COLQ: variants seen among roughly 807,000 people sequenced by gnomAD.
COLQ encodes the protein collagen like tail subunit of asymmetric acetylcholinesterase, also known as acetylcholinesterase collagenic tail peptide.
In COLQ, 48 loss-of-function variants were observed where a neutral mutation model predicts 69.0. The ratio of observed to expected loss-of-function variants is 0.70; its 90% CI spans 0.55 to 0.88. The LOEUF is 0.88. COLQ is among the 40% of genes least tolerant of loss of function. COLQ has a pLI of 0.00. For missense variants in COLQ, 618 were observed against 594.6 expected, an observed-to-expected ratio of 1.04 and a Z score of -0.41; for synonymous variants, 217 against 211.2, an observed-to-expected ratio of 1.03 and a Z score of -0.24.
intron 1 of COLQ, among the ~76,000 whole-genome samples, chr3:15,518,471 T>C (rs565037124): frequency 6.6e-6 from 1 of 152,312 alleles, no homozygotes; most frequent in Admixed American, 6.5e-5. Flanking sequence ...TGAAATAGTT[T>C]TGTGTGTATC....
intron 1 of COLQ, among the ~76,000 whole-genome samples, chr3:15,518,323 T>C (rs901855349): frequency 2.0e-5 from 3 of 152,184 alleles, no homozygotes; most frequent in Non-Finnish European, 2.9e-5. Context: ...TCATCCGTCA[T>C]TGTGTCTAGC....
At position 15,479,006 on chromosome 3, in the gene COLQ, A is replaced by G. The variant is rs368112392; in HGVS notation, c.367-3T>C. The G allele has an allele frequency of 2.4e-5, 39 of 1,613,942 alleles. No individual in the cohort carries two copies. The highest frequency in any genetic ancestry group is 1.9e-4 in the African/African-American group (14 of 74,914). Reference sequence around the variant, plus strand: ...CTTCCTGGTCGGCCAAGCTCCCCCTATGGATGGAGAAGACAGGTAAGGAGA... The same window carrying G: ...CTTCCTGGTCGGCCAAGCTCCCCCTGTGGATGGAGAAGACAGGTAAGGAGA... On this transcript the variant is annotated splice_region_variant and splice_polypyrimidine_tract_variant and intron_variant, in intron 4 of 16. Transcript: ENST00000383788.
chr3:15,498,403 G>T (rs2062780103), intron 1 of COLQ: 1 of 1,137,112 alleles, frequency 8.8e-7, no homozygotes, highest in Admixed American at 2.9e-5. Context: ...AAATTTAAAG[G>T]CTGCTAAAAC....
In COLQ at chr3:15,453,910, C is replaced by A. The variant is rs1306593300; in HGVS notation, c.1217G>T (p.Gly406Val). The stretch of plus-strand genomic sequence containing the variant: ...CACACCCTCATGCCGGTGACCATCT[C>A]CACAGTAGGCACGGTGACAGCCTGA... ...DCIRCHRAYC[G>V]DGHRHEGVED... Residue 406 changes from glycine (G) to valine (V), a missense_variant, in exon 16 of 17, where the codon GGA becomes GTA. By Grantham distance (109) the Gly-to-Val change is moderately radical. Transcript: ENST00000383788. 1 of 1,610,190 alleles carries A rather than the reference C, an allele frequency of 6.2e-7. No individual in the cohort carries two copies. The highest frequency in any genetic ancestry group is 8.5e-7 in the Non-Finnish European group (1 of 1,178,132).
intron 1 of COLQ, among the ~76,000 whole-genome samples, chr3:15,515,573 G>T (rs1230423475): frequency 6.6e-6 from 1 of 152,202 alleles, no homozygotes; most frequent in Non-Finnish European, 1.5e-5. Flanking sequence ...ACTTTGGGAG[G>T]CTGAGGCAGA....
Position 15,473,959 on chromosome 3 carries a change from T to C in COLQ, c.636+41A>G. The C allele has an allele frequency of 6.2e-7, 1 of 1,609,752 alleles. No individual in the cohort carries two copies. The highest frequency in any genetic ancestry group is 8.5e-7 in the Non-Finnish European group (1 of 1,176,216). ...TTTGTTGTGCTTGGAGGACCTGATA[T>C]TTTTATTGAGGCCTATTTTCACTAC... On this transcript the variant is annotated intron_variant, in intron 10 of 16. Coordinates refer to ENST00000383788, the MANE Select transcript of COLQ (RefSeq NM_005677.4). This position sits in a 1 kb window ranked among gnomAD's most constrained non-coding sequence, Gnocchi z 4.0.
intron 1 of COLQ, among the ~76,000 whole-genome samples, chr3:15,494,590 C>A (rs1273993679): frequency 6.6e-6 from 1 of 152,058 alleles, no homozygotes; most frequent in Non-Finnish European, 1.5e-5. Flanking sequence ...AGCTCAGAGG[C>A]CTTCTGCTTG....
chr3:15,519,587 T>A (rs2063108123), intron 1 of COLQ, among the ~76,000 whole-genome samples: 1 of 152,204 alleles, frequency 6.6e-6, no homozygotes, highest in East Asian at 1.9e-4. Context: ...GCATTCCTTG[T>A]TGGTTCCCTT....
chr3:15,498,921 T>C (rs781466361), intron 1 of COLQ: 2 of 1,238,538 alleles, frequency 1.6e-6, no homozygotes. Context: ...CAAGAGGAAA[T>C]TGAGAGCAAT....
At chr3:15,470,732 A>G in intron 10 of COLQ, 116 bp from the exon 11 acceptor site, 2 of 975,648 alleles carry the variant, frequency 2.0e-6, no homozygotes, top group Non-Finnish European at 3.3e-6. Context: ...TTCCGAATCT[A>G]TGCCAACTGG....
intron 13 of COLQ, among the ~76,000 whole-genome samples, chr3:15,456,924 G>C (rs1209810965): frequency 6.6e-6 from 1 of 151,994 alleles, no homozygotes; most frequent in Non-Finnish European, 1.5e-5. Context: ...CCGGGTTCAA[G>C]CAATTCTCCT....
At chr3:15,499,009 C>A in intron 1 of COLQ, 1 of 1,014,336 alleles carries the variant, frequency 9.9e-7, no homozygotes, top group Non-Finnish European at 1.2e-6. Flanking sequence ...CTCTGGTAAG[C>A]CTCAAAGTCA....
rs564686739 is a variant in COLQ at position 15,473,414 on chromosome 3, T to A, written c.636+586A>T. Among the ~76,000 whole-genome samples the A allele has an allele frequency of 1.5e-4, 23 of 152,334 alleles. No individual in the cohort carries two copies. Among genetic ancestry groups the A allele is most frequent in the African/African-American group, 5.3e-4 (22 of 41,576 alleles). ...TTCAAGCCATCTGCCCACCTCGGCCTCCCAAAGTGCTGGGATTACAGGCAT... is the reference window on the plus strand; with the variant it reads ...TTCAAGCCATCTGCCCACCTCGGCCACCCAAAGTGCTGGGATTACAGGCAT... On this transcript the variant is annotated intron_variant, in intron 10 of 16. Coordinates refer to ENST00000383788, the MANE Select transcript of COLQ (RefSeq NM_005677.4). The surrounding 1 kb of genome is among the most constrained non-coding windows in gnomAD (Gnocchi z 4.0).
chr3:15,471,969 A>AT (rs370644681), intron 10 of COLQ, among the ~76,000 whole-genome samples: 4,828 of 136,946 alleles, frequency 0.035, 99 homozygotes, highest in Middle Eastern at 0.06. Context: ...CACAAGCAGC[A>AT]TTTTTTTTTT....
Position 15,456,765 on chromosome 3 carries a change from G to A in COLQ, c.955-186C>T, listed in dbSNP as rs12494919. ...TCTTGATTCCCTCATCTTCTCAATC[G>A]AGTTCCTAATGTCTGAGTTTGAAAC... On this transcript the variant is annotated intron_variant, in intron 13 of 16. Transcript: ENST00000383788. 0.43 allele frequency among the ~76,000 whole-genome samples: 65,045 copies of A among 151,786 alleles called. 14,231 individuals carry two copies. Among genetic ancestry groups the A allele is most frequent in the East Asian group, 0.61 (3,152 of 5,144 alleles).
chr3:15,509,500 C>T (rs1035573361), intron 1 of COLQ, among the ~76,000 whole-genome samples: 4 of 152,190 alleles, frequency 2.6e-5, no homozygotes, highest in African/African-American at 9.7e-5. Flanking sequence ...TGCCTGTGAA[C>T]TTTGCTGGTT....
chr3:15,497,323 C>T (rs1375228415), intron 1 of COLQ, among the ~76,000 whole-genome samples: 1 of 152,156 alleles, frequency 6.6e-6, no homozygotes, highest in Non-Finnish European at 1.5e-5. Context: ...GGATTACAGG[C>T]ATGAGCCACT....
chr3:15,512,410 A>C (rs1053418413), intron 1 of COLQ, among the ~76,000 whole-genome samples: 2 of 152,224 alleles, frequency 1.3e-5, no homozygotes, highest in African/African-American at 2.4e-5. Flanking sequence ...AATGGAGCTA[A>C]ATGCTCCTGG....
Position 15,478,713 on chromosome 3 carries a change from T to G in COLQ, c.393+264A>C, listed in dbSNP as rs958517625. 2.2e-5 allele frequency: 13 copies of G among 584,262 alleles called. No homozygotes were observed. The Middle Eastern group carries it at 1.4e-3, about 62-fold the overall frequency. 36.2% of individuals were successfully genotyped at this position (584,262 alleles called of 1,614,324 possible). On this transcript the variant is annotated intron_variant, in intron 5 of 16. Coordinates refer to ENST00000383788, the MANE Select transcript of COLQ (RefSeq NM_005677.4). Reference sequence around the variant, plus strand: ...GATGGTCTGGGGTTGGGGCGGGAAGTGAGAGGGGTGGAATTTGGCCAGGCT... The same window carrying G: ...GATGGTCTGGGGTTGGGGCGGGAAGGGAGAGGGGTGGAATTTGGCCAGGCT...
Sources: gnomAD v4.1 joint callset for allele counts (sites outside exome capture counted in the v4.1 genomes callset) on GRCh38, gnomAD v4.1.1 for gene constraint, Gnocchi (gnomAD v3.1) non-coding constraint, MANE v1.5 for transcripts, NCBI Gene and HGNC (gene_info 2026-07-23, HGNC 2026-07-21) for gene names.